Variants in CYP4F8 observed in about 807,000 individuals in gnomAD.
CYP4F8 encodes cytochrome P450 4F8.
A neutral mutation model predicts 55.0 loss-of-function variants in CYP4F8; 56 were observed. The observed-to-expected ratio is 1.02, with a 90% CI of 0.82 to 1.27. CYP4F8 has a LOEUF of 1.27. CYP4F8 is among the 50% of genes most tolerant of loss of function. CYP4F8 has a pLI of 0.00. For missense variants in CYP4F8, 680 were observed against 682.4 expected (o/e 1.00, Z 0.04); for synonymous variants, 288 against 267.3 (o/e 1.08, Z -0.76).
intron 8 of CYP4F8, 64 bp from the exon 9 acceptor site, chr19:15,623,901 G>C: frequency 6.2e-6 from 10 of 1,602,214 alleles, no homozygotes; most frequent in Non-Finnish European, 8.5e-6. Flanking sequence ...CAATGTATGG[G>C]CGCTGTCCAC....
chr19:15,623,062 T>G (rs1972214370), intron 6 of CYP4F8, 43 bp from the exon 7 acceptor site: 1 of 1,584,272 alleles, frequency 6.3e-7, no homozygotes, highest in African/African-American at 1.3e-5. Flanking sequence ...CAGGCTTTCA[T>G]GTGGGTAAGG....
intron 7 of CYP4F8, 65 bp downstream of exon 7, chr19:15,623,440 A>G (rs1351609855): frequency 9.4e-6 from 15 of 1,591,620 alleles, no homozygotes; most frequent in Non-Finnish European, 1.1e-5. Flanking sequence ...GTCAGATTGA[A>G]GGACCGGACT....
At chr19:15,623,795 G>A (rs1215178787) in intron 8 of CYP4F8, 30 bp downstream of exon 8, 3 of 1,612,328 alleles carry the variant, frequency 1.9e-6, no homozygotes, top group Admixed American at 3.3e-5. Flanking sequence ...GCTACAGTGG[G>A]GACAGGGGTC....
intron 9 of CYP4F8, 175 bp from the exon 10 acceptor site, chr19:15,628,127 G>A (rs1230533760): frequency 2.6e-5 from 24 of 913,744 alleles, no homozygotes; most frequent in South Asian, 1.9e-4. Context: ...AAAACACCAG[G>A]TCAACTTTTC....
Position 15,619,710 on chromosome 19 carries a change from A to G in CYP4F8, c.473A>G (p.Asn158Ser), listed in dbSNP as rs1201147515. 1 of 1,614,238 alleles carries G rather than the reference A, an allele frequency of 6.2e-7. No individual in the cohort carries two copies. Among genetic ancestry groups the G allele is most frequent in the Non-Finnish European group, 8.5e-7 (1 of 1,180,046 alleles). ...RRLLTPAFHF[N>S]ILKPYIKIFS... The stretch of plus-strand genomic sequence containing the variant: ...TTGCTGACGCCTGCCTTCCATTTCA[A>G]CATCCTGAAGCCCTATATAAAGATT... The change falls in exon 5 of 13, where the codon AAC (asparagine) becomes AGC (serine). Residue 158 changes from asparagine (N) to serine (S), a missense_variant. Transcript: ENST00000612078.
At position 15,622,317 on chromosome 19, in the gene CYP4F8, C is replaced by T. The variant is rs1180849229; in HGVS notation, c.624C>T (p.Phe208=). 2 of 1,610,472 alleles carry T rather than the reference C, an allele frequency of 1.2e-6. No homozygotes were observed. Among genetic ancestry groups the T allele is most frequent in the Non-Finnish European group, 8.5e-7 (1 of 1,178,636 alleles). The part of the protein sequence containing the change: ...MTLDSLQKCI[F]SFDSNCQEKP... ...TGGACAGTCTGCAGAAATGCATCTT[C>T]AGCTTTGACAGCAATTGTCAGGAGT... is the stretch of plus-strand genomic sequence containing the variant. Residue 208 remains phenylalanine, a synonymous_variant, in exon 6 of 13, where the codon TTC becomes TTT. Coordinates refer to ENST00000612078, the MANE Select transcript of CYP4F8 (RefSeq NM_007253.4).
At chr19:15,620,623 G>C (rs2283604) in intron 5 of CYP4F8, among the ~76,000 whole-genome samples, 137,769 of 152,162 alleles carry the variant, frequency 0.91, 62,421 homozygotes, top group Admixed American at 0.95. Flanking sequence ...AACTCCTGAC[G>C]TCAAGTGATC....
chr19:15,619,892 C>T, intron 5 of CYP4F8, 130 bp downstream of exon 5: 3 of 1,200,784 alleles, frequency 2.5e-6, no homozygotes, highest in Non-Finnish European at 3.5e-6. Flanking sequence ...CCTTGATTTC[C>T]CCATGAGGCT....
chr19:15,622,126 T>C, intron 5 of CYP4F8, 93 bp from the exon 6 acceptor site: 1 of 1,475,186 alleles, frequency 6.8e-7, no homozygotes. Flanking sequence ...ACCAGGAGCA[T>C]GCCTCTGGGG....
chr19:15,619,794 A>T (rs771445143), intron 5 of CYP4F8, 32 bp downstream of exon 5: 2 of 1,610,534 alleles, frequency 1.2e-6, no homozygotes. Context: ...TCCCAGCTGC[A>T]GCCTTGGGGT....
rs368780438 is a variant in CYP4F8 at position 15,628,263 on chromosome 19, C to T, written c.1116-39C>T. 158 of 1,612,844 alleles carry T rather than the reference C, an allele frequency of 9.8e-5. 1 individual carries two copies. The highest frequency in any genetic ancestry group is 5.0e-5 in the Admixed American group (3 of 59,860). On this transcript the variant is annotated intron_variant, in intron 9 of 12. Transcript: ENST00000612078. ...GGGTCTCCAGGGGCAGCAGGAGGGCCGTGTATGCTCTCTGGATAATTGTTG... is the reference window on the plus strand; with the variant it reads ...GGGTCTCCAGGGGCAGCAGGAGGGCTGTGTATGCTCTCTGGATAATTGTTG...
At chr19:15,616,223 T>G (rs1972119149) in intron 2 of CYP4F8, among the ~76,000 whole-genome samples, 1 of 146,744 alleles carries the variant, frequency 6.8e-6, no homozygotes, top group African/African-American at 2.5e-5. Flanking sequence ...CACTCACTCA[T>G]TCCTCTCCTC....
Position 15,618,085 on chromosome 19 carries a change from T to G in CYP4F8, c.284T>G (p.Ile95Ser), listed in dbSNP as rs1303826316. Residue 95 changes from isoleucine to serine, a missense_variant, in exon 3 of 13, where the codon ATC (isoleucine) becomes AGC (serine). By Grantham distance (142) the Ile-to-Ser change is moderately radical. Transcript: ENST00000612078. ...PQGFVRWLGP[I>S]TPIINLCHPD... ...GGCTTTGTGAGGTGGTTGGGCCCCA[T>G]CACTCCCATCATCAACTTGTGCCAC... The G allele has an allele frequency of 6.2e-7, 1 of 1,614,070 alleles. No individual in the cohort carries two copies. The highest frequency in any genetic ancestry group is 1.7e-5 in the Admixed American group (1 of 60,030).
chr19:15,628,712 G>T (rs184417393), intron 11 of CYP4F8, 49 bp from the exon 12 acceptor site: 12 of 1,610,702 alleles, frequency 7.5e-6, no homozygotes, highest in Admixed American at 5.0e-5. Context: ...GGGGGTGGCT[G>T]GGTGTCCTGA....
At chr19:15,618,229 T>C (rs769476388) in intron 3 of CYP4F8, 85 bp downstream of exon 3, 1 of 1,594,580 alleles carries the variant, frequency 6.3e-7, no homozygotes, top group Admixed American at 1.7e-5. Flanking sequence ...TGTGCAGCTC[T>C]TGTAGTACTC....
Position 15,625,684 on chromosome 19 carries a change from T to G in CYP4F8, c.1115+1590T>G, listed in dbSNP as rs188835006. Among the ~76,000 whole-genome samples, 240 of 152,228 alleles carry G rather than the reference T, an allele frequency of 1.6e-3. 1 individual carries two copies. Among genetic ancestry groups the G allele is most frequent in the African/African-American group, 5.2e-3 (216 of 41,558 alleles). ...TTCCATTTGAACTCTGTGATCAGGT[T>G]AGCCAGTTTGACAAATACTTTTGAA... is the stretch of plus-strand genomic sequence containing the variant. On this transcript the variant is annotated intron_variant, in intron 9 of 12. Coordinates refer to ENST00000612078, the MANE Select transcript of CYP4F8 (RefSeq NM_007253.4).
intron 5 of CYP4F8, among the ~76,000 whole-genome samples, chr19:15,620,084 T>C (rs941436320): frequency 3.9e-5 from 6 of 152,192 alleles, no homozygotes; most frequent in African/African-American, 1.4e-4. Context: ...AACTAATTGG[T>C]TTAGAGCAAT....
At chr19:15,619,808 G>A (rs751275987) in intron 5 of CYP4F8, 46 bp downstream of exon 5, 1 of 1,603,574 alleles carries the variant, frequency 6.2e-7, no homozygotes. Context: ...TTGGGGTGGA[G>A]GGATCACATA....
At chr19:15,620,037 G>C (rs914707531) in intron 5 of CYP4F8, among the ~76,000 whole-genome samples, 3 of 152,184 alleles carry the variant, frequency 2.0e-5, no homozygotes, top group African/African-American at 7.2e-5. Context: ...ATGATGACAC[G>C]TGCATAGTAG....
Sources: allele counts gnomAD v4.1 joint callset (sites outside exome capture counted in the v4.1 genomes callset), GRCh38; gene constraint gnomAD v4.1.1; transcripts MANE v1.5; gene names NCBI Gene and HGNC (gene_info 2026-07-23, HGNC 2026-07-21).